The following KIAA1549 variants were observed in gnomAD, a reference collection of about 807,000 sequenced individuals.
The protein encoded by KIAA1549 is KIAA1549, also known as UPF0606 protein KIAA1549.
Under a neutral mutation model 156.4 loss-of-function variants are expected in KIAA1549, and 70 were observed. That is an observed-to-expected ratio of 0.45 (90% CI 0.37 to 0.55). The LOEUF (loss-of-function observed/expected upper bound fraction) is 0.55. Among genes scored for constraint, KIAA1549 ranks in the 20% least tolerant of loss-of-function variants. KIAA1549 has a pLI of 0.00. For missense variants in KIAA1549, 2,428 were observed against 2,540.9 expected, an observed-to-expected ratio of 0.96 and a Z score of 0.96; for synonymous variants, 1,103 against 1,066.4, an observed-to-expected ratio of 1.03 and a Z score of -0.67.
chr7:138,947,589 C>G (rs938284412), intron 1 of KIAA1549, among the ~76,000 whole-genome samples: 6 of 152,140 alleles, frequency 3.9e-5, no homozygotes. Flanking sequence ...AAAACATATA[C>G]AATACCAAGT....
At chr7:138,939,057 G>T (rs1467177434) in intron 1 of KIAA1549, among the ~76,000 whole-genome samples, 1 of 152,100 alleles carries the variant, frequency 6.6e-6, no homozygotes, top group Admixed American at 6.5e-5. Context: ...AAAATTTTCA[G>T]ACATACACAA....
At chr7:138,912,570 G>T in intron 2 of KIAA1549, 110 bp from the exon 3 acceptor site, 1 of 863,430 alleles carries the variant, frequency 1.2e-6, no homozygotes, top group South Asian at 1.4e-5. Context: ...AGTTCCAAAA[G>T]TCTTTTTGTA....
chr7:138,883,247 C>T (rs1345358047), intron 10 of KIAA1549, among the ~76,000 whole-genome samples: 1 of 138,496 alleles, frequency 7.2e-6, no homozygotes, highest in African/African-American at 2.7e-5. Context: ...CACTCCAGCC[C>T]AGGTGAAAGA....
chr7:138,851,690 A>G (rs1810238273), intron 17 of KIAA1549, among the ~76,000 whole-genome samples: 1 of 152,156 alleles, frequency 6.6e-6, no homozygotes, highest in Non-Finnish European at 1.5e-5. Flanking sequence ...CAACTTTCAA[A>G]GCTGAGCTTT....
At chr7:138,898,768 G>C (rs1811759131) in intron 9 of KIAA1549, among the ~76,000 whole-genome samples, 187 bp downstream of exon 9, 1 of 152,148 alleles carries the variant, frequency 6.6e-6, no homozygotes, top group South Asian at 2.1e-4. Context: ...AGCAGTGGAG[G>C]CTAAACCTAC....
rs759452499 is a variant in KIAA1549, at chr7:138,918,951, G to A, written c.675C>T (p.Ser225=). 15 of 1,613,896 alleles carry A rather than the reference G, an allele frequency of 9.3e-6. No individual in the cohort carries two copies. The highest frequency in any genetic ancestry group is 1.6e-4 in the Middle Eastern group (1 of 6,084). The change falls in exon 2 of 20, where the codon TCC becomes TCT. Residue 225 remains serine, a synonymous_variant. Coordinates refer to ENST00000422774, the MANE Select transcript of KIAA1549 (RefSeq NM_001164665.2). This position sits in a 1 kb window ranked among gnomAD's most constrained non-coding sequence, Gnocchi z 4.2. ...ACCGAAAGGTGTGGAAATGACTGGC[G>A]GACTCAGCATATGCCGCTGGTTGTC... is the stretch of plus-strand genomic sequence containing the variant. The part of the protein sequence containing the change: ...TTRQPAAYAE[S]ASHFHTFRSA...
chr7:138,966,739 C>G (rs1214708184), intron 1 of KIAA1549, among the ~76,000 whole-genome samples: 1 of 152,028 alleles, frequency 6.6e-6, no homozygotes, highest in African/African-American at 2.4e-5. Flanking sequence ...CACAGGCACA[C>G]CCAGGATCAA....
intron 16 of KIAA1549, among the ~76,000 whole-genome samples, chr7:138,855,846 C>T (rs1810371684): frequency 6.7e-6 from 1 of 150,162 alleles, no homozygotes. Context: ...TGCCACATTT[C>T]TTCTGTTATT....
chr7:138,838,172 G>T lies in KIAA1549; in HGVS notation c.5599-12C>A. ...CCGAGCATGTGTGTCTGAAAAACAT[G>T]GCAAACGTCACTGTACTTCCTACGA... On this transcript the variant is annotated splice_polypyrimidine_tract_variant and intron_variant, in intron 19 of 19. Coordinates refer to ENST00000422774, the MANE Select transcript of KIAA1549 (RefSeq NM_001164665.2). The T allele has an allele frequency of 6.9e-7, 1 of 1,455,412 alleles. No homozygotes were observed. The highest frequency in any genetic ancestry group is 9.0e-7 in the Non-Finnish European group (1 of 1,109,866). The allele number at this position is 1,455,412 out of a possible 1,614,324, so 90.2% of individuals were successfully genotyped here.
chr7:138,919,266 T>C lies in KIAA1549; in HGVS notation c.360A>G (p.Thr120=), dbSNP rs763587460. ...TCTGTTTTCCTTGGTTAAAAAAGGCTGTATCAAAAGTAGTGGCAGACGGCG... is the reference window on the plus strand; with the variant it reads ...TCTGTTTTCCTTGGTTAAAAAAGGCCGTATCAAAAGTAGTGGCAGACGGCG... ...TAPPSATTFD[T]AFFNQGKQTK... is the part of the protein sequence containing the mutation. The change falls in exon 2 of 20, where the codon ACA becomes ACG. Residue 120 remains threonine, a synonymous_variant. Transcript: ENST00000422774. 61 of 1,614,024 alleles carry C rather than the reference T, an allele frequency of 3.8e-5. No homozygotes were observed. The highest frequency in any genetic ancestry group is 1.6e-4 in the Middle Eastern group (1 of 6,062).
Position 138,834,699 on chromosome 7 carries a change from G to A in KIAA1549, c.*3207C>T, listed in dbSNP as rs552737737. 1.3e-5 allele frequency: 3 copies of A among 232,514 alleles called. No homozygotes were observed. The highest frequency in any genetic ancestry group is 1.2e-4 in the East Asian group (2 of 16,516). 14.4% of individuals were successfully genotyped at this position (232,514 alleles called of 1,614,324 possible). Reference sequence around the variant, plus strand: ...GGAAACTGAGTCACACCGAGCTTTCGGTTTTGCTCATTACCCATGTGTGAA... The same window carrying A: ...GGAAACTGAGTCACACCGAGCTTTCAGTTTTGCTCATTACCCATGTGTGAA... On this transcript the variant is annotated 3_prime_UTR_variant, in exon 20 of 20. Coordinates refer to ENST00000422774, the MANE Select transcript of KIAA1549 (RefSeq NM_001164665.2).
rs949074637 is a variant in KIAA1549, at chr7:138,834,491, C to T, written c.*3415G>A. The T allele has an allele frequency of 1.8e-5, 4 of 220,644 alleles. No homozygotes were observed. The highest frequency in any genetic ancestry group is 3.6e-5 in the Non-Finnish European group (4 of 110,140). The allele number at this position is 220,644 out of a possible 1,614,324, so 13.7% of individuals were successfully genotyped here. A position where few individuals can be genotyped will look rare whatever the true frequency, so the allele number is the denominator to read the frequency against. On this transcript the variant is annotated 3_prime_UTR_variant, in exon 20 of 20. Transcript: ENST00000422774. ...TTGACACTTAAACCATGTTATTTAT[C>T]GGTATCTTCCATCTTCTATACCCAC...
intron 1 of KIAA1549, among the ~76,000 whole-genome samples, chr7:138,920,472 T>C (rs570769300): frequency 6.0e-4 from 91 of 152,176 alleles, no homozygotes; most frequent in Non-Finnish European, 1.0e-3. Context: ...GATTGATGAA[T>C]GAATGAATGA....
At chr7:138,859,697 G>C (rs1180626333) in intron 16 of KIAA1549, among the ~76,000 whole-genome samples, 1 of 152,072 alleles carries the variant, frequency 6.6e-6, no homozygotes, top group African/African-American at 2.4e-5. Context: ...GCAACTGGAG[G>C]ACTCAGTTCA....
At chr7:138,925,921 C>G (rs1812703867) in intron 1 of KIAA1549, among the ~76,000 whole-genome samples, 1 of 140,620 alleles carries the variant, frequency 7.1e-6, no homozygotes, top group Non-Finnish European at 1.5e-5. Context: ...GTTACTAAAA[C>G]TTATGGGCAG....
chr7:138,861,293 A>T lies in KIAA1549; in HGVS notation c.5093T>A (p.Val1698Glu). 6.2e-7 allele frequency: 1 copy of T among 1,608,600 alleles called. No individual in the cohort carries two copies. The highest frequency in any genetic ancestry group is 8.5e-7 in the Non-Finnish European group (1 of 1,178,248). Reference sequence around the variant, plus strand: ...GCTGGCAGGCTGGCTGCTGGGGGCCACGAGGGCAAAGGCGTCGTCCAGGAG... The same window carrying T: ...GCTGGCAGGCTGGCTGCTGGGGGCCTCGAGGGCAAAGGCGTCGTCCAGGAG... ...HSLLDDAFAL[V>E]APSSQPASTA... Residue 1698 changes from valine to glutamate, a missense_variant, in exon 16 of 20, where the codon GTG becomes GAG. Around this residue, in one of 5 missense-constraint regions of KIAA1549, gnomAD observed 363 missense variants for 354.0 expected, o/e 1.03. Coordinates refer to ENST00000422774, the MANE Select transcript of KIAA1549 (RefSeq NM_001164665.2).
intron 1 of KIAA1549, among the ~76,000 whole-genome samples, chr7:138,974,757 C>T (rs1396288928): frequency 2.0e-5 from 3 of 150,702 alleles, no homozygotes; most frequent in Admixed American, 1.3e-4. Context: ...GTCAAATGCT[C>T]GCAATGAATG....
intron 10 of KIAA1549, among the ~76,000 whole-genome samples, chr7:138,891,599 A>G (rs565347178): frequency 3.9e-5 from 6 of 152,336 alleles, no homozygotes; most frequent in Admixed American, 1.3e-4. Flanking sequence ...ATCTACTCCC[A>G]GACAATCTGA....
chr7:138,954,445 A>C (rs1384521963), intron 1 of KIAA1549, among the ~76,000 whole-genome samples: 1 of 152,148 alleles, frequency 6.6e-6, no homozygotes, highest in African/African-American at 2.4e-5. Context: ...TGCCAAACTA[A>C]GCAGTGTGGA....
Sources: gnomAD v4.1 joint callset for allele counts (sites outside exome capture counted in the v4.1 genomes callset) on GRCh38, gnomAD v4.1.1 for gene constraint, gnomAD v4.1.1 regional missense constraint, Gnocchi (gnomAD v3.1) non-coding constraint, MANE v1.5 for transcripts, NCBI Gene and HGNC (gene_info 2026-07-23, HGNC 2026-07-21) for gene names.